LRBA: variants seen among roughly 807,000 people sequenced by gnomAD.
LRBA encodes LPS responsive beige-like anchor protein.
A neutral mutation model predicts 330.0 loss-of-function variants in LRBA; 176 were observed. The ratio of observed to expected loss-of-function variants is 0.53; its 90% CI spans 0.47 to 0.60. The LOEUF (loss-of-function observed/expected upper bound fraction) is 0.60, where lower values mean the gene tolerates loss of function less well. Among genes scored for constraint, LRBA ranks in the 20% least tolerant of loss-of-function variants. The pLI is 0.00. For missense variants in LRBA, 3,259 were observed against 3,444.8 expected, an observed-to-expected ratio of 0.95 and a Z score of 1.35; for synonymous variants, 1,230 against 1,193.0, an observed-to-expected ratio of 1.03 and a Z score of -0.64.
At chr4:150,521,782 T>C (rs1459781546) in intron 40 of LRBA, among the ~76,000 whole-genome samples, 3 of 152,200 alleles carry the variant, frequency 2.0e-5, no homozygotes, top group Non-Finnish European at 2.9e-5. Context: ...TCACAGTAAA[T>C]ATTGCACTTG....
chr4:150,692,612 A>G (rs948228489), intron 36 of LRBA, among the ~76,000 whole-genome samples: 5 of 152,210 alleles, frequency 3.3e-5, no homozygotes, highest in Admixed American at 6.5e-5. Context: ...CAAATAGGTA[A>G]ATACCTTCTA....
rs1418727449 is a variant in LRBA, at chr4:150,826,385, A to G, written c.5171+1795T>C. 4.6e-5 allele frequency among the ~76,000 whole-genome samples: 7 copies of G among 152,326 alleles called. 1 individual carries two copies. In the South Asian group the frequency reaches 1.2e-3, roughly 27 times the overall value. On this transcript the variant is annotated intron_variant, in intron 30 of 56. Coordinates refer to ENST00000651943, the MANE Select transcript of LRBA (RefSeq NM_001364905.1). Reference sequence around the variant, plus strand: ...AGAAGTGAGCACTAGGATTTATGGCAGGAAGAGATAGGCTAACTCTACTGT... The same window carrying G: ...AGAAGTGAGCACTAGGATTTATGGCGGGAAGAGATAGGCTAACTCTACTGT...
chr4:151,003,075 CCA>C (rs1743580543), intron 2 of LRBA, among the ~76,000 whole-genome samples: 1 of 138,092 alleles, frequency 7.2e-6, no homozygotes, highest in African/African-American at 3.0e-5. Flanking sequence ...TGTGTGTGTA[CCA>C]ACATCATTTT....
intron 40 of LRBA, among the ~76,000 whole-genome samples, chr4:150,562,976 T>C (rs1318482917): frequency 1.3e-5 from 2 of 152,122 alleles, no homozygotes; most frequent in African/African-American, 2.4e-5. Context: ...ATTTTTAAAA[T>C]ATTTTGTAGA....
chr4:150,335,901 G>T (rs1734666801), intron 48 of LRBA, among the ~76,000 whole-genome samples: 1 of 152,050 alleles, frequency 6.6e-6, no homozygotes, highest in South Asian at 2.1e-4. Context: ...TTGCCATGTT[G>T]CCCAGGTTGG....
intron 37 of LRBA, among the ~76,000 whole-genome samples, chr4:150,642,963 TA>T (rs1428036371): frequency 2.6e-5 from 4 of 151,882 alleles, no homozygotes; most frequent in Non-Finnish European, 2.9e-5. Context: ...ACATGACACT[TA>T]AAAAAATTAA....
chr4:150,490,671 TTA>T (rs1487637489), intron 41 of LRBA, among the ~76,000 whole-genome samples: 7 of 151,998 alleles, frequency 4.6e-5, no homozygotes, highest in Admixed American at 2.6e-4. Flanking sequence ...TATGTATTCC[TTA>T]TGTTTATAAA....
rs1300456445 is a variant in LRBA at position 150,668,632 on chromosome 4, A to G, written c.5921+14919T>C. ...TCTTTCATTCATTCAACAAGCATTT[A>G]TTGTGTACAATTCACAGCACATCAT... On this transcript the variant is annotated intron_variant, in intron 37 of 56. Transcript: ENST00000651943. Among the ~76,000 whole-genome samples the G allele has an allele frequency of 2.0e-5, 3 of 152,242 alleles. No homozygotes were observed. In the East Asian group the frequency reaches 5.8e-4, roughly 29 times the overall value.
chr4:150,627,917 T>C (rs770675065), intron 37 of LRBA, among the ~76,000 whole-genome samples: 17 of 152,102 alleles, frequency 1.1e-4, no homozygotes, highest in Non-Finnish European at 2.4e-4. Context: ...TCAGATGGAA[T>C]GCAGTAGTAA....
chr4:150,512,127 C>T (rs1298604301), intron 40 of LRBA, among the ~76,000 whole-genome samples: 2 of 152,208 alleles, frequency 1.3e-5, no homozygotes, highest in East Asian at 3.9e-4. Flanking sequence ...TCATCTTCCA[C>T]TCCATGTTTC....
chr4:150,325,800 A>C lies in LRBA; in HGVS notation c.7452+9T>G. ...GGCAAGAAATGAGGAGAGTAAAAATAGCACTTACCACTTGCATGGCAGAAC... is the reference window on the plus strand; with the variant it reads ...GGCAAGAAATGAGGAGAGTAAAAATCGCACTTACCACTTGCATGGCAGAAC... On this transcript the variant is annotated intron_variant, in intron 49 of 56. Transcript: ENST00000651943. 1 of 1,587,200 alleles carries C rather than the reference A, an allele frequency of 6.3e-7. No homozygotes were observed. Among genetic ancestry groups the C allele is most frequent in the Non-Finnish European group, 8.7e-7 (1 of 1,155,580 alleles).
intron 30 of LRBA, among the ~76,000 whole-genome samples, chr4:150,824,928 C>T (rs1289205351): frequency 6.6e-6 from 1 of 151,944 alleles, no homozygotes; most frequent in Non-Finnish European, 1.5e-5. Flanking sequence ...GCACACATCA[C>T]CATGCCCAGC....
intron 4 of LRBA, among the ~76,000 whole-genome samples, chr4:150,921,946 G>A (rs949150039): frequency 2.3e-4 from 35 of 152,132 alleles, no homozygotes; most frequent in African/African-American, 7.5e-4. Context: ...GGCTGGTCTC[G>A]AACCAACCTC....
chr4:150,832,301 A>G (rs1747325430), intron 28 of LRBA, among the ~76,000 whole-genome samples: 1 of 152,180 alleles, frequency 6.6e-6, no homozygotes, highest in African/African-American at 2.4e-5. Flanking sequence ...AGTAATTATA[A>G]TTATATGAAA....
intron 53 of LRBA, among the ~76,000 whole-genome samples, chr4:150,297,333 T>A (rs550341020): frequency 1.3e-5 from 2 of 152,306 alleles, no homozygotes; most frequent in African/African-American, 2.4e-5. Context: ...TTACAAGCAG[T>A]AAATACAGAG....
At chr4:150,619,568 T>C (rs190388541) in intron 37 of LRBA, among the ~76,000 whole-genome samples, 1 of 152,294 alleles carries the variant, frequency 6.6e-6, no homozygotes, top group Admixed American at 6.5e-5. Context: ...TCTACAGATA[T>C]CAACCATCTT....
intron 2 of LRBA, among the ~76,000 whole-genome samples, chr4:150,985,655 C>T (rs1741378457): frequency 6.6e-6 from 1 of 151,992 alleles, no homozygotes; most frequent in Non-Finnish European, 1.5e-5. Context: ...CCCACCACCA[C>T]ACCCAGCTAA....
rs183574413 is a variant in LRBA, at chr4:150,435,614, C to A, written c.7016G>T (p.Ser2339Ile). 658 of 1,612,792 alleles carry A rather than the reference C, an allele frequency of 4.1e-4. 6 individuals are homozygous for A. In the East Asian group the frequency reaches 0.013, roughly 31 times the overall value. Residue 2339 changes from serine (S) to isoleucine (I), a missense_variant, in exon 46 of 57, where the codon AGT becomes ATT. Ser to Ile is a moderately radical substitution (Grantham distance 142). Transcript: ENST00000651943. ...CTTAATATCAGAGGTATCACGCTGA[C>A]TGTTTCGCCAAGCTCTGGAAATTGA... The part of the protein sequence containing the change: ...FSSISRAWRN[S>I]QRDTSDIKEL...
chr4:150,622,919 G>C (rs894061124), intron 37 of LRBA, among the ~76,000 whole-genome samples: 31 of 151,970 alleles, frequency 2.0e-4, no homozygotes, highest in East Asian at 9.8e-4. Context: ...GGATGGTCTC[G>C]ATCTCCTGAC....
Sources: gnomAD v4.1 joint callset for allele counts (sites outside exome capture counted in the v4.1 genomes callset) on GRCh38, gnomAD v4.1.1 for gene constraint, MANE v1.5 for transcripts, NCBI Gene and HGNC (gene_info 2026-07-23, HGNC 2026-07-21) for gene names.